The following PTK2B variants were observed in gnomAD, a reference collection of about 807,000 sequenced individuals.
The protein encoded by PTK2B is protein-tyrosine kinase 2-beta.
PTK2B carries 71 observed loss-of-function variants against 142.9 expected under a neutral mutation model. The observed-to-expected ratio is 0.50, with a 90% CI of 0.41 to 0.61. The LOEUF is 0.61. Ranked by LOEUF, PTK2B falls within the 20% of genes least tolerant of loss-of-function variation. The pLI, the probability that PTK2B is intolerant of heterozygous loss-of-function variation, is 0.00. For missense variants in PTK2B, 1,105 were observed against 1,320.4 expected (o/e 0.84, Z 2.53); for synonymous variants, 519 against 503.4 (o/e 1.03, Z -0.42).
chr8:27,410,051 G>A (rs1174360670), intron 2 of PTK2B, among the ~76,000 whole-genome samples: 1 of 152,188 alleles, frequency 6.6e-6, no homozygotes, highest in African/African-American at 2.4e-5. Context: ...AAGCTTAAGT[G>A]TAGTTTATTT....
upstream of PTK2B, chr8:27,310,845 C>A (rs1802922936): frequency 6.2e-7 from 1 of 1,609,220 alleles, no homozygotes; most frequent in Non-Finnish European, 8.5e-7. Context: ...ACGCGGTGCC[C>A]CTGGTGTCGG....
At chr8:27,355,837 C>G (rs1805361119) in intron 1 of PTK2B, among the ~76,000 whole-genome samples, 1 of 152,146 alleles carries the variant, frequency 6.6e-6, no homozygotes, top group Non-Finnish European at 1.5e-5. Flanking sequence ...GCCTGGCCAA[C>G]ATAGTGAAAC....
At chr8:27,394,558 G>C (rs1189442385) in intron 1 of PTK2B, among the ~76,000 whole-genome samples, 1 of 152,248 alleles carries the variant, frequency 6.6e-6, no homozygotes, top group African/African-American at 2.4e-5. Flanking sequence ...GAGTGAATGT[G>C]ATGGCACAGG....
At chr8:27,407,762 C>G (rs994868192) in intron 2 of PTK2B, among the ~76,000 whole-genome samples, 6 of 152,168 alleles carry the variant, frequency 3.9e-5, no homozygotes, top group African/African-American at 9.7e-5. Flanking sequence ...TTGGGTTAAT[C>G]AACTCCTCAG....
intron 1 of PTK2B, among the ~76,000 whole-genome samples, chr8:27,367,902 C>T (rs1275862308): frequency 1.3e-5 from 2 of 152,240 alleles, no homozygotes; most frequent in African/African-American, 4.8e-5. Context: ...CACCAGGCCC[C>T]ACCTCCCACA....
At chr8:27,343,815 A>G (rs1293681441) in intron 1 of PTK2B, among the ~76,000 whole-genome samples, 1 of 152,120 alleles carries the variant, frequency 6.6e-6, no homozygotes, top group Non-Finnish European at 1.5e-5. Context: ...CATCCTGGTT[A>G]ACGTGGTGAA....
In PTK2B at chr8:27,329,907, C is replaced by A. The variant is rs1373938795; in HGVS notation, c.-38+4226C>A. Among the ~76,000 whole-genome samples, 5 of 152,038 alleles carry A rather than the reference C, an allele frequency of 3.3e-5. No homozygotes were observed. The East Asian group carries it at 9.6e-4, about 29-fold the overall frequency. On this transcript the variant is annotated intron_variant, in intron 1 of 30. Coordinates refer to ENST00000346049, the MANE Select transcript of PTK2B (RefSeq NM_173176.3). ...ATAACAGGGCTTTGGGTGAGGGTGGCATGAGATAGTGTACATTAGAGAGAT... is the reference window on the plus strand; with the variant it reads ...ATAACAGGGCTTTGGGTGAGGGTGGAATGAGATAGTGTACATTAGAGAGAT...
At chr8:27,320,587 CT>C (rs1349551551), upstream of PTK2B, among the ~76,000 whole-genome samples, 3 of 152,088 alleles carry the variant, frequency 2.0e-5, no homozygotes, top group African/African-American at 7.2e-5. Flanking sequence ...ACTTTTCTTT[CT>C]TTTGTCCTTT....
At chr8:27,335,433 A>G (rs911745297) in intron 1 of PTK2B, among the ~76,000 whole-genome samples, 1 of 152,112 alleles carries the variant, frequency 6.6e-6, no homozygotes, top group African/African-American at 2.4e-5. Context: ...TCTGTACTAA[A>G]AATAAAAAAT....
chr8:27,397,029 C>T (rs539185918), intron 1 of PTK2B, among the ~76,000 whole-genome samples: 8 of 152,356 alleles, frequency 5.3e-5, no homozygotes, highest in Middle Eastern at 3.4e-3. Context: ...CAGTTGACAG[C>T]CTGGCCCTCC....
At chr8:27,406,949 T>TG (rs563600839) in intron 2 of PTK2B, among the ~76,000 whole-genome samples, 45 of 152,212 alleles carry the variant, frequency 3.0e-4, no homozygotes, top group African/African-American at 1.1e-3. Flanking sequence ...AGGGGGACTT[T>TG]GGGGGGAAAA....
intron 2 of PTK2B, among the ~76,000 whole-genome samples, chr8:27,403,310 A>C (rs114746601): frequency 0.022 from 3,333 of 152,234 alleles, 127 homozygotes; most frequent in African/African-American, 0.076. Context: ...ATCGCCCTGA[A>C]CAGTCCACAT....
At chr8:27,433,301 C>G in intron 10 of PTK2B, 134 bp from the exon 11 acceptor site, 1 of 739,230 alleles carries the variant, frequency 1.4e-6, no homozygotes, top group Non-Finnish European at 2.3e-6. Context: ...GGGCAGGGCC[C>G]CAGGAGAGGT....
Position 27,458,655 on chromosome 8 carries a change from C to T in PTK2B, c.*146C>T. ...CACTTTGCACGACGCCCTCTCCCCACCCCTACCCCTGGCTGTACTGCTCAG... is the reference window on the plus strand; with the variant it reads ...CACTTTGCACGACGCCCTCTCCCCATCCCTACCCCTGGCTGTACTGCTCAG... On this transcript the variant is annotated 3_prime_UTR_variant, in exon 31 of 31. Coordinates refer to ENST00000346049, the MANE Select transcript of PTK2B (RefSeq NM_173176.3). 1.3e-6 allele frequency: 1 copy of T among 776,680 alleles called. No homozygotes were observed. The highest frequency in any genetic ancestry group is 1.7e-5 in the South Asian group (1 of 58,422). 48.1% of individuals were successfully genotyped at this position (776,680 alleles called of 1,614,324 possible).
intron 1 of PTK2B, among the ~76,000 whole-genome samples, chr8:27,334,150 A>G (rs2129643912): frequency 6.6e-6 from 1 of 151,820 alleles, no homozygotes; most frequent in Admixed American, 6.6e-5. Flanking sequence ...TCCCGTTTCT[A>G]TGGCCCCTAC....
At chr8:27,446,685 A>G (rs1218549664) in intron 24 of PTK2B, among the ~76,000 whole-genome samples, 3 of 152,196 alleles carry the variant, frequency 2.0e-5, no homozygotes, top group African/African-American at 7.2e-5. Flanking sequence ...TTTTAGCTCT[A>G]ACTCTGCATG....
chr8:27,336,153 G>A (rs891417965), intron 1 of PTK2B, among the ~76,000 whole-genome samples: 4 of 152,184 alleles, frequency 2.6e-5, no homozygotes, highest in African/African-American at 9.7e-5. Flanking sequence ...TGAGTGGCGG[G>A]AGGGGCTGTA....
chr8:27,364,545 T>C (rs1196518494), intron 1 of PTK2B, among the ~76,000 whole-genome samples: 3 of 152,232 alleles, frequency 2.0e-5, no homozygotes, highest in Non-Finnish European at 2.9e-5. Flanking sequence ...GGCAGAGATA[T>C]GGAGGTGTGA....
At chr8:27,396,607 TG>T (rs1167142966) in intron 1 of PTK2B, among the ~76,000 whole-genome samples, 2 of 152,256 alleles carry the variant, frequency 1.3e-5, no homozygotes, top group Non-Finnish European at 2.9e-5. Flanking sequence ...AGTGATTATG[TG>T]GAGCTAAGGC....
Sources: gnomAD v4.1 joint callset for allele counts (sites outside exome capture counted in the v4.1 genomes callset) on GRCh38, gnomAD v4.1.1 for gene constraint, MANE v1.5 for transcripts, NCBI Gene and HGNC (gene_info 2026-07-23, HGNC 2026-07-21) for gene names.